The following RNLS variants were observed in gnomAD, a reference collection of about 807,000 sequenced individuals.
RNLS encodes renalase.
Under a neutral mutation model 39.8 loss-of-function variants are expected in RNLS, and 39 were observed. That is an observed-to-expected ratio of 0.98 (90% CI 0.76 to 1.28). The LOEUF (loss-of-function observed/expected upper bound fraction) is 1.28. Ranked by LOEUF, RNLS falls within the 50% of genes most tolerant of loss-of-function variation. The pLI is 0.00. For missense variants in RNLS, 410 were observed against 413.3 expected, an observed-to-expected ratio of 0.99 and a Z score of 0.07; for synonymous variants, 147 against 150.7, an observed-to-expected ratio of 0.98 and a Z score of 0.18.
chr10:88,354,620 G>A lies in RNLS; in HGVS notation c.700+7932C>T, dbSNP rs1086835. 2.6e-5 allele frequency among the ~76,000 whole-genome samples: 4 copies of A among 152,222 alleles called. No individual in the cohort carries two copies. The East Asian group carries it at 7.7e-4, about 29-fold the overall frequency. On this transcript the variant is annotated intron_variant, in intron 5 of 6. Transcript: ENST00000331772. ...GATGGGCTTCCCCTTGAGGGTAACC[G>A]GACCTTTCTCTCTGGCTGCCCTTAA...
At chr10:88,305,094 A>G (rs1022064645) in intron 6 of RNLS, among the ~76,000 whole-genome samples, 15 of 152,206 alleles carry the variant, frequency 9.9e-5, no homozygotes, top group Non-Finnish European at 1.5e-4. Context: ...GGCAAAACCA[A>G]GCTTCATAAG....
At chr10:88,325,721 C>A (rs1422845338) in intron 5 of RNLS, among the ~76,000 whole-genome samples, 3 of 152,154 alleles carry the variant, frequency 2.0e-5, no homozygotes, top group African/African-American at 7.2e-5. Context: ...TAAATTCTAT[C>A]TCAATTGTGT....
At chr10:88,255,597 C>T in the RNLS span, among the ~76,000 whole-genome samples, 1 of 152,194 alleles carries the variant, frequency 6.6e-6, no homozygotes, top group African/African-American at 2.4e-5. Flanking sequence ...CTAACCCAAT[C>T]AACCTAAGTA....
At chr10:88,538,618 T>C (rs1847895989) in intron 4 of RNLS, among the ~76,000 whole-genome samples, 1 of 152,170 alleles carries the variant, frequency 6.6e-6, no homozygotes, top group Non-Finnish European at 1.5e-5. Flanking sequence ...TTTCAGCATG[T>C]TCCATTGCAG....
intron 4 of RNLS, among the ~76,000 whole-genome samples, chr10:88,423,624 T>C (rs1205834256): frequency 6.6e-6 from 1 of 152,236 alleles, no homozygotes; most frequent in Non-Finnish European, 1.5e-5. Context: ...CTGAGGCTTT[T>C]ATGTAAATGC....
chr10:88,274,838 A>G (rs1003234299), exon 7 of RNLS: 7 of 699,820 alleles, frequency 1.0e-5, no homozygotes, highest in Non-Finnish European at 1.7e-5. Context: ...ATATCTCCAC[A>G]TCCTTGCCAA....
At chr10:88,581,280 A>ATG (rs374360845) in intron 3 of RNLS, among the ~76,000 whole-genome samples, 89 of 142,642 alleles carry the variant, frequency 6.2e-4, no homozygotes, top group African/African-American at 1.4e-3. Flanking sequence ...ATATATATGT[A>ATG]TGTGTGTGTG....
intron 4 of RNLS, among the ~76,000 whole-genome samples, chr10:88,373,356 T>C (rs773767361): frequency 6.6e-6 from 1 of 152,182 alleles, no homozygotes; most frequent in Admixed American, 6.6e-5. Context: ...ATGTTCATTT[T>C]GTACTTTGCA....
chr10:88,468,152 ACCT>A (rs1435670057), intron 4 of RNLS, among the ~76,000 whole-genome samples: 2 of 152,182 alleles, frequency 1.3e-5, no homozygotes, highest in Non-Finnish European at 2.9e-5. Flanking sequence ...GAAAGCTTTA[ACCT>A]CCTTAGAGAG....
rs72820091 is a variant in RNLS at position 88,574,672 on chromosome 10, C to G, written c.368-1611G>C. On this transcript the variant is annotated intron_variant, in intron 3 of 6. Coordinates refer to ENST00000331772, the MANE Select transcript of RNLS (RefSeq NM_001031709.3). ...TGTAAATGTTAGAAGAAACATAGTT[C>G]TAGCTAGCCCAAGAGATCAATCTCT... Among the ~76,000 whole-genome samples the G allele has an allele frequency of 6.1e-3, 936 of 152,262 alleles. 8 individuals are homozygous for G. Among genetic ancestry groups the G allele is most frequent in the Non-Finnish European group, 0.01 (713 of 68,008 alleles).
chr10:88,318,803 C>T (rs1284572135), intron 5 of RNLS, among the ~76,000 whole-genome samples: 2 of 152,200 alleles, frequency 1.3e-5, no homozygotes, highest in East Asian at 3.9e-4. Context: ...ATAGGGGAAG[C>T]AGCTGGCATT....
At chr10:88,301,215 G>A (rs1035057121) in intron 6 of RNLS, among the ~76,000 whole-genome samples, 4 of 152,086 alleles carry the variant, frequency 2.6e-5, no homozygotes, top group African/African-American at 9.7e-5. Context: ...TTGCGAAAAG[G>A]GGAAATACCT....
At chr10:88,227,604 T>C in the RNLS span, among the ~76,000 whole-genome samples, 3 of 152,296 alleles carry the variant, frequency 2.0e-5, no homozygotes, top group East Asian at 5.8e-4. Flanking sequence ...GAATAGCTAA[T>C]TTAGTTAAAG....
chr10:88,324,117 T>G (rs558353734), intron 5 of RNLS, among the ~76,000 whole-genome samples: 1 of 152,240 alleles, frequency 6.6e-6, no homozygotes, highest in South Asian at 2.1e-4. Flanking sequence ...AAAGGAACGC[T>G]TATACACTGT....
intron 6 of RNLS, among the ~76,000 whole-genome samples, chr10:88,306,462 T>C (rs1442630066): frequency 6.6e-6 from 1 of 150,856 alleles, no homozygotes; most frequent in Non-Finnish European, 1.5e-5. Flanking sequence ...AGAGAGAAGA[T>C]CCAAATAAAC....
chr10:88,445,461 A>C (rs149724253), intron 4 of RNLS, among the ~76,000 whole-genome samples: 1,600 of 152,338 alleles, frequency 0.011, 37 homozygotes, highest in African/African-American at 0.035. Context: ...ATTCACACAT[A>C]ACAATATTAA....
intron 4 of RNLS, among the ~76,000 whole-genome samples, chr10:88,492,784 T>C (rs886592320): frequency 1.3e-5 from 2 of 152,090 alleles, no homozygotes; most frequent in African/African-American, 4.8e-5. Flanking sequence ...CCAATTCTTT[T>C]TCAATCTCAT....
At position 88,338,226 on chromosome 10, in the gene RNLS, G is replaced by A. The variant is rs752554752; in HGVS notation, c.701-23585C>T. On this transcript the variant is annotated intron_variant, in intron 5 of 6. Coordinates refer to ENST00000331772, the MANE Select transcript of RNLS (RefSeq NM_001031709.3). The stretch of plus-strand genomic sequence containing the variant: ...AAGAGACTAAAACTAAGAAACTGCA[G>A]GGCCAAAATGATGGAAACGCTTCCC... Among the ~76,000 whole-genome samples the A allele has an allele frequency of 5.4e-4, 82 of 152,192 alleles. 6 individuals are homozygous for A. The highest frequency in any genetic ancestry group is 2.6e-4 in the Admixed American group (4 of 15,280).
At chr10:88,418,678 A>G (rs1383762587) in intron 4 of RNLS, among the ~76,000 whole-genome samples, 1 of 152,202 alleles carries the variant, frequency 6.6e-6, no homozygotes, top group Non-Finnish European at 1.5e-5. Flanking sequence ...CAGAGTTCTC[A>G]TGGAATTGCA....
Sources: gnomAD v4.1 joint callset for allele counts (sites outside exome capture counted in the v4.1 genomes callset) on GRCh38, gnomAD v4.1.1 for gene constraint, MANE v1.5 for transcripts, NCBI Gene and HGNC (gene_info 2026-07-23, HGNC 2026-07-21) for gene names.